The following UBAC2 variants were observed in gnomAD, a reference collection of about 807,000 sequenced individuals.
UBAC2 encodes ubiquitin-associated domain-containing protein 2.
Under a neutral mutation model 44.0 loss-of-function variants are expected in UBAC2, and 26 were observed. The observed-to-expected ratio is 0.59, with a 90% confidence interval of 0.43 to 0.82. The LOEUF (loss-of-function observed/expected upper bound fraction) is 0.82, where lower values mean the gene tolerates loss of function less well. UBAC2 is among the 40% of genes least tolerant of loss of function. The pLI is 0.00. For missense variants in UBAC2, 329 were observed against 419.4 expected (o/e 0.78, Z 1.88); for synonymous variants, 155 against 154.3 (o/e 1.00, Z -0.04).
chr13:99,253,779 G>T (rs1487425164), intron 4 of UBAC2, among the ~76,000 whole-genome samples: 1 of 152,208 alleles, frequency 6.6e-6, no homozygotes, highest in Non-Finnish European at 1.5e-5. Context: ...CTCCCAAAGT[G>T]CTGGGATTAC....
At chr13:99,368,033 C>T (rs773250986) in intron 8 of UBAC2, 127 bp downstream of exon 8, 6 of 1,188,514 alleles carry the variant, frequency 5.0e-6, no homozygotes, top group Non-Finnish European at 7.0e-6. Context: ...GTCCATCTGC[C>T]ACCATGATAG....
intron 6 of UBAC2, among the ~76,000 whole-genome samples, chr13:99,328,006 C>G (rs2044663975): frequency 6.6e-6 from 1 of 152,154 alleles, no homozygotes; most frequent in Non-Finnish European, 1.5e-5. Flanking sequence ...CATGCTCTTT[C>G]CCCACATCCA....
At chr13:99,374,856 GC>G (rs2045459519) in intron 8 of UBAC2, among the ~76,000 whole-genome samples, 1 of 152,162 alleles carries the variant, frequency 6.6e-6, no homozygotes, top group Non-Finnish European at 1.5e-5. Flanking sequence ...CCTATGAAAA[GC>G]CTGATACACA....
intron 6 of UBAC2, among the ~76,000 whole-genome samples, chr13:99,323,403 C>T (rs1459927478): frequency 6.6e-6 from 1 of 152,168 alleles, no homozygotes; most frequent in Non-Finnish European, 1.5e-5. Context: ...GAGTTCAACA[C>T]CAGCCTGGCC....
intron 6 of UBAC2, among the ~76,000 whole-genome samples, chr13:99,331,473 A>C (rs1679155243): frequency 6.6e-6 from 1 of 152,182 alleles, no homozygotes; most frequent in Non-Finnish European, 1.5e-5. Flanking sequence ...TCTCTATTCC[A>C]ATTTGGTTTT....
intron 7 of UBAC2, among the ~76,000 whole-genome samples, chr13:99,352,272 C>T (rs1241620378): frequency 6.6e-6 from 1 of 152,144 alleles, no homozygotes; most frequent in East Asian, 1.9e-4. Flanking sequence ...TTTAATTGCA[C>T]AAATACCGTA....
chr13:99,351,412 C>T (rs986039982), intron 7 of UBAC2: 13 of 392,244 alleles, frequency 3.3e-5, no homozygotes, highest in Non-Finnish European at 2.0e-5. Context: ...ATATAGGTAA[C>T]TACATAGTAT....
chr13:99,250,399 A>C (rs530365493), intron 4 of UBAC2, among the ~76,000 whole-genome samples: 1 of 152,220 alleles, frequency 6.6e-6, no homozygotes, highest in East Asian at 1.9e-4. Flanking sequence ...TGGGTTCTCT[A>C]TTCTGTTCCA....
chr13:99,236,522 C>T (rs1044996551), intron 1 of UBAC2, among the ~76,000 whole-genome samples: 4 of 152,108 alleles, frequency 2.6e-5, no homozygotes, highest in South Asian at 2.1e-4. Context: ...ATACTTCACC[C>T]GAGTTAGAAT....
chr13:99,238,676 T>A, intron 2 of UBAC2, 122 bp downstream of exon 2: 8 of 877,506 alleles, frequency 9.1e-6, no homozygotes, highest in Non-Finnish European at 1.2e-5. Context: ...AAATATTTAT[T>A]ATTAATATTT....
chr13:99,270,647 T>A (rs2043803592), intron 4 of UBAC2, among the ~76,000 whole-genome samples: 1 of 152,198 alleles, frequency 6.6e-6, no homozygotes, highest in Non-Finnish European at 1.5e-5. Flanking sequence ...AGATAGAAAT[T>A]GATGGTTGAT....
chr13:99,241,276 AAAAAAAAG>A (rs1357124924), intron 2 of UBAC2, among the ~76,000 whole-genome samples: 4 of 151,980 alleles, frequency 2.6e-5, no homozygotes, highest in East Asian at 1.9e-4. Flanking sequence ...AAAAAAAAAA[AAAAAAAAG>A]AAAAGAGTTA....
chr13:99,377,803 C>T (rs997980774), intron 8 of UBAC2, among the ~76,000 whole-genome samples: 5 of 152,114 alleles, frequency 3.3e-5, no homozygotes, highest in Admixed American at 6.5e-5. Context: ...GTCATGTGCC[C>T]GTCACTGTTC....
chr13:99,230,979 C>T (rs1404091509), intron 1 of UBAC2, among the ~76,000 whole-genome samples: 5 of 151,958 alleles, frequency 3.3e-5, no homozygotes, highest in African/African-American at 9.7e-5. Context: ...ACCCGGTAGG[C>T]GGAGGTTGCA....
chr13:99,356,101 A>G (rs1262975721), intron 7 of UBAC2: 1 of 514,302 alleles, frequency 1.9e-6, no homozygotes, highest in Non-Finnish European at 4.1e-6. Context: ...ATTAAAGTAA[A>G]CAAGACTTGG....
intron 6 of UBAC2, among the ~76,000 whole-genome samples, chr13:99,325,098 C>CTTTTTTTT (rs55672515): frequency 2.3e-5 from 2 of 86,124 alleles, no homozygotes; most frequent in Non-Finnish European, 4.3e-5. Context: ...TGTCTATGCT[C>CTTTTTTTT]TTTTTTTTTT....
intron 4 of UBAC2, chr13:99,261,528 T>C (rs2043661906): frequency 6.6e-6 from 1 of 152,254 alleles, no homozygotes; most frequent in African/African-American, 2.4e-5. Context: ...TCCTAAATTG[T>C]ATTGTAAATT....
chr13:99,217,819 G>C (rs2043014279), intron 1 of UBAC2, among the ~76,000 whole-genome samples: 1 of 152,178 alleles, frequency 6.6e-6, no homozygotes, highest in Non-Finnish European at 1.5e-5. Context: ...TGATCTGGCA[G>C]CCTCAGGGCC....
chr13:99,217,435 T>C (rs1477592863), intron 1 of UBAC2, among the ~76,000 whole-genome samples: 1 of 152,228 alleles, frequency 6.6e-6, no homozygotes, highest in African/African-American at 2.4e-5. Context: ...CAGACCCACG[T>C]AGGCTATGCT....
Sources: allele counts gnomAD v4.1 joint callset (sites outside exome capture counted in the v4.1 genomes callset), GRCh38; gene constraint gnomAD v4.1.1; transcripts MANE v1.5; gene names NCBI Gene and HGNC (gene_info 2026-07-23, HGNC 2026-07-21).